Variants in TTC7A observed in about 807,000 individuals in gnomAD.
TTC7A encodes the protein tetratricopeptide repeat protein 7A.
In TTC7A, 110 loss-of-function variants were observed where a neutral mutation model predicts 103.7. The ratio of observed to expected loss-of-function variants is 1.06; its 90% CI spans 0.91 to 1.24. TTC7A has a LOEUF of 1.24. Ranked by LOEUF, TTC7A falls within the 50% of genes most tolerant of loss-of-function variation. The pLI is 0.00. For missense variants in TTC7A, 1,340 were observed against 1,116.3 expected (o/e 1.20, Z -2.86); for synonymous variants, 521 against 467.9 (o/e 1.11, Z -1.47).
intron 14 of TTC7A, among the ~76,000 whole-genome samples, chr2:47,024,876 A>C (rs1053813525): frequency 6.6e-6 from 1 of 152,188 alleles, no homozygotes; most frequent in African/African-American, 2.4e-5. Context: ...CTCTGCAGGC[A>C]GACCCGCCTT....
chr2:47,023,519 C>T (rs1051376108), intron 13 of TTC7A, 54 bp downstream of exon 13: 1 of 1,580,082 alleles, frequency 6.3e-7, no homozygotes, highest in African/African-American at 1.3e-5. Flanking sequence ...GTGGCAGATT[C>T]ACAAGCTTTA....
chr2:46,993,597 T>G (rs1477666355), intron 6 of TTC7A, 69 bp downstream of exon 6: 19 of 1,472,326 alleles, frequency 1.3e-5, no homozygotes, highest in Non-Finnish European at 1.7e-5. Context: ...CAGAAGTCCT[T>G]GCAGGGAGCC....
At chr2:47,039,922 G>T (rs1419671826) in intron 15 of TTC7A, among the ~76,000 whole-genome samples, 1 of 152,230 alleles carries the variant, frequency 6.6e-6, no homozygotes, top group Non-Finnish European at 1.5e-5. Flanking sequence ...AATCAGTGCT[G>T]CCCTAGACAT....
intron 15 of TTC7A, among the ~76,000 whole-genome samples, chr2:47,033,040 C>A (rs1234958287): frequency 6.6e-6 from 1 of 152,006 alleles, no homozygotes; most frequent in Non-Finnish European, 1.5e-5. Context: ...ACAGATGAAA[C>A]CTCAGAGCAT....
chr2:46,942,619 G>T (rs893333149), intron 1 of TTC7A, among the ~76,000 whole-genome samples: 1 of 152,132 alleles, frequency 6.6e-6, no homozygotes, highest in Non-Finnish European at 1.5e-5. Flanking sequence ...AATCAACCCC[G>T]TGAAGCAGGT....
intron 19 of TTC7A, among the ~76,000 whole-genome samples, chr2:47,073,321 C>T (rs74340557): frequency 1.6e-3 from 237 of 152,240 alleles, no homozygotes; most frequent in Admixed American, 2.4e-3. Context: ...AACCTCACCG[C>T]GCTCTCGAGA....
At chr2:46,968,662 C>T (rs529205893) in intron 3 of TTC7A, among the ~76,000 whole-genome samples, 40 of 152,284 alleles carry the variant, frequency 2.6e-4, no homozygotes, top group African/African-American at 9.4e-4. Flanking sequence ...AGAGGACCGC[C>T]TCCGTGAATG....
At chr2:46,945,984 T>C (rs1039992419) in intron 1 of TTC7A, among the ~76,000 whole-genome samples, 2 of 152,158 alleles carry the variant, frequency 1.3e-5, no homozygotes, top group Non-Finnish European at 2.9e-5. Flanking sequence ...GTTTCCTGAC[T>C]GTGAATGGGT....
rs1402428417 is a variant in TTC7A at position 46,968,141 on chromosome 2, G to T, written c.518-6832G>T. 2.0e-5 allele frequency among the ~76,000 whole-genome samples: 3 copies of T among 152,352 alleles called. No individual in the cohort carries two copies. In the East Asian group the frequency reaches 5.8e-4, roughly 29 times the overall value. On this transcript the variant is annotated intron_variant, in intron 3 of 19. Coordinates refer to ENST00000319190, the MANE Select transcript of TTC7A (RefSeq NM_020458.4). Reference sequence around the variant, plus strand: ...ATGTGATGAGTCATTCAGACTGAAGGAGTTGGGACCAGCCTGGTGTTGGGC... The same window carrying T: ...ATGTGATGAGTCATTCAGACTGAAGTAGTTGGGACCAGCCTGGTGTTGGGC...
At chr2:46,959,520 G>A (rs1180192656) in intron 3 of TTC7A, among the ~76,000 whole-genome samples, 1 of 152,182 alleles carries the variant, frequency 6.6e-6, no homozygotes, top group Non-Finnish European at 1.5e-5. Flanking sequence ...AGGCTCTGTG[G>A]GGGCCCCAGT....
At chr2:47,037,645 G>C (rs1558611646) in intron 15 of TTC7A, among the ~76,000 whole-genome samples, 1 of 152,190 alleles carries the variant, frequency 6.6e-6, no homozygotes, top group Non-Finnish European at 1.5e-5. Context: ...CAATAACAAT[G>C]ATGCACCCAG....
At chr2:47,038,637 ACCCTCCCCCCACCCAC>A (rs1681405816) in intron 15 of TTC7A, among the ~76,000 whole-genome samples, 3 of 51,228 alleles carry the variant, frequency 5.9e-5, no homozygotes, top group Admixed American at 2.7e-4. Flanking sequence ...CTTCCCACCC[ACCCTCCCCCCACCCAC>A]CCCCCCGACA....
chr2:47,016,556 C>T (rs1678677828), intron 11 of TTC7A, among the ~76,000 whole-genome samples: 1 of 152,156 alleles, frequency 6.6e-6, no homozygotes, highest in Non-Finnish European at 1.5e-5. Flanking sequence ...TCCATGGCTG[C>T]CCTAGATAAA....
intron 5 of TTC7A, among the ~76,000 whole-genome samples, chr2:46,985,281 G>A (rs1674901800): frequency 1.3e-5 from 2 of 152,048 alleles, no homozygotes; most frequent in Admixed American, 1.3e-4. Flanking sequence ...ACCCTGAAGA[G>A]GGGTAGAAAT....
At position 47,006,667 on chromosome 2, in the gene TTC7A, G is replaced by C. The variant is rs370371832; in HGVS notation, c.1230G>C (p.Ala410=). The C allele has an allele frequency of 1.2e-6, 2 of 1,614,190 alleles. No individual in the cohort carries two copies. The highest frequency in any genetic ancestry group is 1.7e-6 in the Non-Finnish European group (2 of 1,180,030). The change falls in exon 10 of 20, where the codon GCG becomes GCC. Residue 410 remains alanine, a synonymous_variant. Transcript: ENST00000319190. ...GCCTGGAGCGAGCCATGAAGTTTGC[G>C]TTTGGAGAATTTCACCTTTGGTACC... ...SECLERAMKF[A]FGEFHLWYQV... is the part of the protein sequence containing the mutation.
intron 2 of TTC7A, among the ~76,000 whole-genome samples, chr2:46,933,532 G>C (rs1173396475): frequency 6.6e-6 from 1 of 152,186 alleles, no homozygotes; most frequent in Non-Finnish European, 1.5e-5. Flanking sequence ...GCCAGCTCCT[G>C]GCAGAGTTTT....
chr2:46,943,326 C>T (rs1407367985), intron 1 of TTC7A, among the ~76,000 whole-genome samples: 1 of 152,192 alleles, frequency 6.6e-6, no homozygotes, highest in Non-Finnish European at 1.5e-5. Flanking sequence ...TGGTTAAAGC[C>T]TGTACTCAAG....
At chr2:46,969,805 G>A (rs1673193924) in intron 3 of TTC7A, among the ~76,000 whole-genome samples, 1 of 152,198 alleles carries the variant, frequency 6.6e-6, no homozygotes, top group South Asian at 2.1e-4. Flanking sequence ...CCGTCTGCAT[G>A]CTTCCTAAAC....
intron 3 of TTC7A, chr2:46,958,592 C>T (rs774390870): frequency 2.7e-4 from 347 of 1,282,352 alleles, no homozygotes; most frequent in Admixed American, 4.1e-4. Context: ...TGCTTGGTCT[C>T]AGGCTGTGCT....
Sources: allele counts gnomAD v4.1 joint callset (sites outside exome capture counted in the v4.1 genomes callset), GRCh38; gene constraint gnomAD v4.1.1; transcripts MANE v1.5; gene names NCBI Gene and HGNC (gene_info 2026-07-23, HGNC 2026-07-21).